TRPA1: variants seen among roughly 807,000 people sequenced by gnomAD.
TRPA1 encodes ankyrin-like with transmembrane domains 1.
Under a neutral mutation model 131.3 loss-of-function variants are expected in TRPA1, and 129 were observed. The ratio of observed to expected loss-of-function variants is 0.98; its 90% CI spans 0.85 to 1.14. TRPA1 has a LOEUF of 1.14. TRPA1 is among the 50% of genes most tolerant of loss of function. TRPA1 has a pLI of 0.00. For missense variants in TRPA1, 1,304 were observed against 1,354.2 expected (o/e 0.96, Z 0.58); for synonymous variants, 441 against 451.7 (o/e 0.98, Z 0.30).
chr8:72,047,212 G>T lies in TRPA1; in HGVS notation c.1906-5C>A. ...CATGCAGAAATCTAAAAGTACCTTT[G>T]AAAGAGAAAAACCAGCTAAGATATT... On this transcript the variant is annotated splice_polypyrimidine_tract_variant and splice_region_variant and intron_variant, in intron 15 of 26. Coordinates refer to ENST00000262209, the MANE Select transcript of TRPA1 (RefSeq NM_007332.3). 1 of 1,609,906 alleles carries T rather than the reference G, an allele frequency of 6.2e-7. No individual in the cohort carries two copies. The highest frequency in any genetic ancestry group is 8.5e-7 in the Non-Finnish European group (1 of 1,176,894).
chr8:72,036,196 A>G, intron 21 of TRPA1, 92 bp downstream of exon 21: 1 of 1,321,114 alleles, frequency 7.6e-7, no homozygotes, highest in East Asian at 2.3e-5. Flanking sequence ...GAAAAGGAAT[A>G]AGCCAGTTTT....
chr8:72,072,718 T>A (rs1419190754), intron 1 of TRPA1, among the ~76,000 whole-genome samples: 1 of 152,208 alleles, frequency 6.6e-6, no homozygotes, highest in Non-Finnish European at 1.5e-5. Context: ...TACTTGAATT[T>A]GATATGCTCT....
chr8:72,089,646 A>G, the TRPA1 span, among the ~76,000 whole-genome samples: 6 of 152,118 alleles, frequency 3.9e-5, no homozygotes, highest in Admixed American at 3.3e-4. Context: ...CTAAGACACA[A>G]GCTTCTCAGT....
intron 21 of TRPA1, 54 bp downstream of exon 21, chr8:72,036,234 C>A (rs1812045466): frequency 6.3e-7 from 1 of 1,577,464 alleles, no homozygotes; most frequent in Non-Finnish European, 8.7e-7. Flanking sequence ...AATAGTTTTT[C>A]TTTTGATATT....
In TRPA1 at chr8:72,022,730, G is replaced by A. The variant is rs1231905760; in HGVS notation, c.*176C>T. 77 of 686,386 alleles carry A rather than the reference G, an allele frequency of 1.1e-4. 1 individual carries two copies. In the East Asian group the frequency reaches 2.1e-3, roughly 19 times the overall value. 42.5% of individuals were successfully genotyped at this position (686,386 alleles called of 1,614,324 possible). On this transcript the variant is annotated 3_prime_UTR_variant, in exon 27 of 27. Transcript: ENST00000262209. Reference sequence around the variant, plus strand: ...AGATATCCCCAATACATAGTGATTGGTAGAAAATATGAATAGAGGATAAAA... The same window carrying A: ...AGATATCCCCAATACATAGTGATTGATAGAAAATATGAATAGAGGATAAAA...
Position 72,062,963 on chromosome 8 carries a change from T to C in TRPA1, c.662-19A>G, listed in dbSNP as rs749106949. 4.4e-6 allele frequency: 7 copies of C among 1,608,360 alleles called. No individual in the cohort carries two copies. Among genetic ancestry groups the C allele is most frequent in the Admixed American group, 3.3e-5 (2 of 59,868 alleles). On this transcript the variant is annotated intron_variant, in intron 5 of 26. Transcript: ENST00000262209. ...TCTTCACCTTGAGAAGAAAATAACA[T>C]TCAACATAACAAATATATAAAATAA...
chr8:72,077,555 T>G (rs1373296), upstream of TRPA1, among the ~76,000 whole-genome samples: 25,303 of 152,164 alleles, frequency 0.17, 2,475 homozygotes, highest in East Asian at 0.31. Flanking sequence ...TAAAAGCAAA[T>G]AGATTAAAAG....
At chr8:72,024,359 T>C (rs774105292) in intron 25 of TRPA1, among the ~76,000 whole-genome samples, 1 of 152,218 alleles carries the variant, frequency 6.6e-6, no homozygotes, top group Non-Finnish European at 1.5e-5. Context: ...CATTTTAATT[T>C]AGTATCTTTT....
chr8:72,029,761 C>T, intron 24 of TRPA1, 140 bp downstream of exon 24: 3 of 873,326 alleles, frequency 3.4e-6, no homozygotes, highest in Non-Finnish European at 5.6e-6. Context: ...GTAAATGGCA[C>T]ATACTTTACA....
chr8:72,024,238 C>T (rs1358889731), intron 25 of TRPA1, among the ~76,000 whole-genome samples: 1 of 152,150 alleles, frequency 6.6e-6, no homozygotes, highest in Admixed American at 6.6e-5. Flanking sequence ...GTATTCTATA[C>T]GAGATTCATT....
chr8:72,021,464 T>TAA lies in TRPA1; in HGVS notation c.*1440_*1441dup, dbSNP rs542869354. 324 of 152,278 alleles carry TAA rather than the reference T, an allele frequency of 2.1e-3. 1 individual carries two copies. The highest frequency in any genetic ancestry group is 7.5e-3 in the African/African-American group (311 of 41,552). 9.4% of individuals were successfully genotyped at this position (152,278 alleles called of 1,614,324 possible). A position where few individuals can be genotyped will look rare whatever the true frequency, so the allele number is the denominator to read the frequency against. On this transcript the variant is annotated 3_prime_UTR_variant, in exon 27 of 27. Coordinates refer to ENST00000262209, the MANE Select transcript of TRPA1 (RefSeq NM_007332.3). ...TAGTGATTTTCCACCCTTTCTGTTTTAAGAAATATAAAGAACAAAGATATT... is the reference window on the plus strand; with the variant it reads ...TAGTGATTTTCCACCCTTTCTGTTTTAAAAGAAATATAAAGAACAAAGATATT...
chr8:72,075,725 A>G, upstream of TRPA1: 1 of 418,050 alleles, frequency 2.4e-6, no homozygotes, highest in Non-Finnish European at 4.5e-6. Flanking sequence ...GGACAAAGTG[A>G]CTCGCCCGTC....
chr8:72,040,183 C>T (rs1488671713), intron 17 of TRPA1, among the ~76,000 whole-genome samples: 1 of 152,098 alleles, frequency 6.6e-6, no homozygotes, highest in Non-Finnish European at 1.5e-5. Flanking sequence ...AATATACATA[C>T]ATAGTTGTTC....
chr8:72,077,290 T>TGGG (rs71265967), upstream of TRPA1, among the ~76,000 whole-genome samples: 1 of 132,950 alleles, frequency 7.5e-6, no homozygotes, highest in Non-Finnish European at 1.6e-5. Context: ...GTGACAGGGG[T>TGGG]GGGGGGGGGG....
At chr8:72,077,943 A>T (rs190202730), upstream of TRPA1, among the ~76,000 whole-genome samples, 2,530 of 152,158 alleles carry the variant, frequency 0.017, 44 homozygotes, top group Non-Finnish European at 0.027. Flanking sequence ...TTCTGAAGGT[A>T]ATTTTTATTA....
At chr8:72,038,821 T>G in intron 19 of TRPA1, 44 bp downstream of exon 19, 1 of 1,549,076 alleles carries the variant, frequency 6.5e-7, no homozygotes, top group Non-Finnish European at 8.8e-7. Context: ...AAAAAATACA[T>G]TTTTTATAAT....
At position 72,066,477 on chromosome 8, in the gene TRPA1, G is replaced by A. The variant is rs192591666; in HGVS notation, c.445-919C>T. Reference sequence around the variant, plus strand: ...GTTTCTTAAAAATCTTGACTTCTTTGAAAAAAGTATGCAACCTCCTACCAG... The same window carrying A: ...GTTTCTTAAAAATCTTGACTTCTTTAAAAAAAGTATGCAACCTCCTACCAG... On this transcript the variant is annotated intron_variant, in intron 3 of 26. Transcript: ENST00000262209. Among the ~76,000 whole-genome samples, 41 of 152,180 alleles carry A rather than the reference G, an allele frequency of 2.7e-4. 1 individual carries two copies. In the East Asian group the frequency reaches 7.3e-3, roughly 27 times the overall value.
At chr8:72,025,426 T>C (rs1811564937) in intron 25 of TRPA1, among the ~76,000 whole-genome samples, 1 of 152,138 alleles carries the variant, frequency 6.6e-6, no homozygotes, top group Admixed American at 6.5e-5. Flanking sequence ...TCCTCAGCCA[T>C]GCAGAACTGT....
intron 24 of TRPA1, among the ~76,000 whole-genome samples, chr8:72,026,377 C>T (rs1209700356): frequency 1.3e-5 from 2 of 152,132 alleles, no homozygotes; most frequent in Non-Finnish European, 2.9e-5. Context: ...GGATAGTCAC[C>T]CGATGTTTTA....
Sources: gnomAD v4.1 joint callset for allele counts (sites outside exome capture counted in the v4.1 genomes callset) on GRCh38, gnomAD v4.1.1 for gene constraint, MANE v1.5 for transcripts, NCBI Gene and HGNC (gene_info 2026-07-23, HGNC 2026-07-21) for gene names.